The following NPAT variants were observed in gnomAD, a reference collection of about 807,000 sequenced individuals.
NPAT encodes the protein protein NPAT.
Under a neutral mutation model 130.7 loss-of-function variants are expected in NPAT, and 52 were observed. The observed-to-expected ratio is 0.40, with a 90% confidence interval of 0.32 to 0.50. The LOEUF (loss-of-function observed/expected upper bound fraction) is 0.50, where lower values mean the gene tolerates loss of function less well. Ranked by LOEUF, NPAT falls within the 20% of genes least tolerant of loss-of-function variation. The probability of loss-of-function intolerance (pLI) is 0.68; values close to 1 mark genes in which losing one functional copy is unlikely to be tolerated. For synonymous variants in NPAT, 580 were observed against 584.8 expected (o/e 0.99, Z 0.12); for missense variants, 1,687 against 1,662.6 (o/e 1.01, Z -0.26).
intron 13 of NPAT, chr11:108,170,252 T>C: frequency 5.6e-6 from 3 of 532,502 alleles, no homozygotes; most frequent in Non-Finnish European, 1.0e-5. Flanking sequence ...GGCTAACAAA[T>C]TAAGAAAAAG....
At chr11:108,168,529 GTTCTC>G (rs1459496978) in intron 15 of NPAT, among the ~76,000 whole-genome samples, 1 of 152,144 alleles carries the variant, frequency 6.6e-6, no homozygotes, top group Non-Finnish European at 1.5e-5. Flanking sequence ...AGTTAGTTGA[GTTCTC>G]TGTATAATGA....
chr11:108,175,142 G>A (rs2077992260), intron 12 of NPAT, among the ~76,000 whole-genome samples: 1 of 152,142 alleles, frequency 6.6e-6, no homozygotes, highest in Non-Finnish European at 1.5e-5. Flanking sequence ...ATATTTTGAG[G>A]AAGACTACAT....
intron 1 of NPAT, among the ~76,000 whole-genome samples, chr11:108,207,750 G>A (rs1319066663): frequency 6.6e-6 from 1 of 152,186 alleles, no homozygotes; most frequent in Non-Finnish European, 1.5e-5. Context: ...AGAGTGCAGG[G>A]ATGCCTGCTC....
chr11:108,173,098 A>T lies in NPAT; in HGVS notation c.1886T>A (p.Leu629Gln). The stretch of plus-strand genomic sequence containing the variant: ...ATTAGATGGTTGTTTAGTAGAAGAC[A>T]GCGAATCTCCAAGATGAATTTCTAC... ...GQVEIHLGDSLSSTKQPSNDS... is the reference protein window; with the variant it reads ...GQVEIHLGDSQSSTKQPSNDS... Residue 629 changes from leucine (L) to glutamine (Q), a missense_variant, in exon 13 of 18, where the codon CTG becomes CAG. Physicochemically the swap from Leu to Gln is moderately radical, Grantham distance 113 (BLOSUM62 -2). Transcript: ENST00000278612. 1 of 1,614,126 alleles carries T rather than the reference A, an allele frequency of 6.2e-7. No homozygotes were observed. The highest frequency in any genetic ancestry group is 8.5e-7 in the Non-Finnish European group (1 of 1,180,006).
intron 1 of NPAT, among the ~76,000 whole-genome samples, chr11:108,211,105 G>C (rs1299372536): frequency 6.6e-6 from 1 of 152,066 alleles, no homozygotes; most frequent in Non-Finnish European, 1.5e-5. Context: ...TGTAATCCCA[G>C]CTACTCGGGA....
intron 12 of NPAT, 50 bp from the exon 13 acceptor site, chr11:108,173,901 T>C (rs940184078): frequency 6.6e-7 from 1 of 1,526,496 alleles, no homozygotes; most frequent in African/African-American, 1.4e-5. Context: ...GTTCAGCTTC[T>C]GAGGTAGTCA....
intron 6 of NPAT, 83 bp downstream of exon 6, chr11:108,189,021 CTA>C (rs1449438579): frequency 1.9e-6 from 2 of 1,070,448 alleles, no homozygotes; most frequent in Non-Finnish European, 2.8e-6. Context: ...TAATTTTACA[CTA>C]TGAGTATAAA....
intron 10 of NPAT, among the ~76,000 whole-genome samples, chr11:108,182,820 A>G (rs1391340092): frequency 6.6e-6 from 1 of 152,266 alleles, no homozygotes; most frequent in African/African-American, 2.4e-5. Context: ...CTACGAATAC[A>G]GTATTATGAA....
rs773156363 is a variant in NPAT at position 108,169,810 on chromosome 11, T to C, written c.2944A>G (p.Ile982Val). The C allele has an allele frequency of 2.5e-6, 4 of 1,614,108 alleles. No homozygotes were observed. The Admixed American group carries it at 5.0e-5, about 20-fold the overall frequency. Reference protein sequence around the residue: ...PLTAPVCNRSIPQFPVPPKSQ... With the variant: ...PLTAPVCNRSVPQFPVPPKSQ... ...TTTGGAGGGACGGGGAATTGAGGGA[T>C]ACTTCTATTGCATACAGGTGCTGTC... Residue 982 changes from isoleucine to valine, a missense_variant, in exon 15 of 18, where the codon ATC (isoleucine) becomes GTC (valine). Transcript: ENST00000278612.
chr11:108,202,191 A>G (rs1027317437), intron 1 of NPAT, among the ~76,000 whole-genome samples: 1 of 152,160 alleles, frequency 6.6e-6, no homozygotes, highest in African/African-American at 2.4e-5. Flanking sequence ...ACTTCCTCAC[A>G]GCTAATAGGT....
chr11:108,179,254 T>G (rs1444588600), intron 10 of NPAT, among the ~76,000 whole-genome samples: 1 of 152,220 alleles, frequency 6.6e-6, no homozygotes, highest in Non-Finnish European at 1.5e-5. Flanking sequence ...TTGAGCTAAT[T>G]TTCATCTTAT....
chr11:108,189,065 T>C, intron 6 of NPAT, 41 bp downstream of exon 6: 1 of 1,497,102 alleles, frequency 6.7e-7, no homozygotes, highest in Non-Finnish European at 9.3e-7. Context: ...TCATACAATT[T>C]GATTAACAAC....
In NPAT at chr11:108,172,318, A is replaced by T. The variant is rs781544830; in HGVS notation, c.2666T>A (p.Val889Glu). The part of the protein sequence containing the change: ...GTSVSQSNVV[V>E]LPGNSAPMTA... ...CATAGGTGCAGAATTTCCAGGCAACACCACTACATTAGACTGACTTACAGA... is the reference window on the plus strand; with the variant it reads ...CATAGGTGCAGAATTTCCAGGCAACTCCACTACATTAGACTGACTTACAGA... The change falls in exon 13 of 18, where the codon GTG (valine) becomes GAG (glutamate). Residue 889 changes from valine to glutamate, a missense_variant. By Grantham distance (121) the Val-to-Glu change is moderately radical. This residue lies in a region of NPAT where 1,379 missense variants were observed against 1,346.6 expected (regional missense o/e 1.02). Coordinates refer to ENST00000278612, the MANE Select transcript of NPAT (RefSeq NM_002519.3). 49 of 1,614,064 alleles carry T rather than the reference A, an allele frequency of 3.0e-5. No homozygotes were observed. The Middle Eastern group carries it at 4.9e-4, about 16-fold the overall frequency.
At chr11:108,208,056 C>T (rs1371648284) in intron 1 of NPAT, among the ~76,000 whole-genome samples, 1 of 152,186 alleles carries the variant, frequency 6.6e-6, no homozygotes, top group East Asian at 1.9e-4. Context: ...ATGCTTGGGA[C>T]CAGAAGTGTT....
At chr11:108,200,680 C>T (rs1364388328) in intron 1 of NPAT, among the ~76,000 whole-genome samples, 1 of 152,132 alleles carries the variant, frequency 6.6e-6, no homozygotes, top group Admixed American at 6.5e-5. Context: ...TGCAGGGCTT[C>T]CTTAAACCCT....
At chr11:108,202,533 G>A (rs1328867513) in intron 1 of NPAT, among the ~76,000 whole-genome samples, 1 of 152,146 alleles carries the variant, frequency 6.6e-6, no homozygotes, top group Non-Finnish European at 1.5e-5. Context: ...TACCAGCCAG[G>A]TAGTTCTTAA....
chr11:108,174,867 C>T (rs191544213), intron 12 of NPAT, among the ~76,000 whole-genome samples: 2 of 152,030 alleles, frequency 1.3e-5, no homozygotes, highest in African/African-American at 2.4e-5. Context: ...AATCTGCCCT[C>T]CCTGGCCTCC....
intron 1 of NPAT, among the ~76,000 whole-genome samples, chr11:108,215,463 C>T (rs1037281716): frequency 1.3e-5 from 2 of 152,146 alleles, no homozygotes; most frequent in Admixed American, 1.3e-4. Context: ...ATACGTACAA[C>T]AAACCCCTAT....
At chr11:108,200,766 G>A (rs1304993696) in intron 1 of NPAT, among the ~76,000 whole-genome samples, 1 of 152,168 alleles carries the variant, frequency 6.6e-6, no homozygotes, top group East Asian at 1.9e-4. Context: ...CAAGACCTCT[G>A]CCTCATTAAT....
Sources: gnomAD v4.1 joint callset for allele counts (sites outside exome capture counted in the v4.1 genomes callset) on GRCh38, gnomAD v4.1.1 for gene constraint, gnomAD v4.1.1 regional missense constraint, MANE v1.5 for transcripts, NCBI Gene and HGNC (gene_info 2026-07-23, HGNC 2026-07-21) for gene names.